The following PTPRD variants were observed in gnomAD, a reference collection of about 807,000 sequenced individuals.
PTPRD encodes receptor-type tyrosine-protein phosphatase delta.
In PTPRD, 34 loss-of-function variants were observed where a neutral mutation model predicts 214.5. The ratio of observed to expected loss-of-function variants is 0.16; its 90% CI spans 0.12 to 0.21. The LOEUF (loss-of-function observed/expected upper bound fraction) is 0.21. Ranked by LOEUF, PTPRD falls within the 10% of genes least tolerant of loss-of-function variation. The pLI is 1.00. For synonymous variants in PTPRD, 1,128 were observed against 845.7 expected, an observed-to-expected ratio of 1.33 and a Z score of -5.79; for missense variants, 2,545 against 2,398.7, an observed-to-expected ratio of 1.06 and a Z score of -1.27.
At chr9:9,949,268 A>C (rs1164453544) in intron 4 of PTPRD, among the ~76,000 whole-genome samples, 1 of 152,138 alleles carries the variant, frequency 6.6e-6, no homozygotes, top group African/African-American at 2.4e-5. Flanking sequence ...TAGAGATTTT[A>C]AAAATTGAGA....
intron 43 of PTPRD, among the ~76,000 whole-genome samples, chr9:8,335,440 C>T (rs1319702148): frequency 1.3e-5 from 2 of 152,098 alleles, no homozygotes; most frequent in African/African-American, 2.4e-5. Flanking sequence ...CAAAATTCAA[C>T]ACCACTTTGT....
At chr9:8,414,619 G>T (rs961357420) in intron 35 of PTPRD, among the ~76,000 whole-genome samples, 2 of 151,818 alleles carry the variant, frequency 1.3e-5, no homozygotes, top group Admixed American at 1.3e-4. Flanking sequence ...CTCTACAATA[G>T]GCTGAGTTTG....
At chr9:9,104,974 G>C (rs1425414529) in intron 10 of PTPRD, among the ~76,000 whole-genome samples, 1 of 152,156 alleles carries the variant, frequency 6.6e-6, no homozygotes, top group Admixed American at 6.6e-5. Flanking sequence ...AACACAGAAA[G>C]TAAAATGAAG....
chr9:10,363,761 T>G lies in PTPRD; in HGVS notation c.-599-22744A>C, dbSNP rs78780833. The stretch of plus-strand genomic sequence containing the variant: ...AAATAAACCAATAAAATGTGACCCC[T>G]TATGGGTTTTTTTGCAATGAAAAGG... On this transcript the variant is annotated intron_variant, in intron 2 of 45. Coordinates refer to ENST00000381196, the MANE Select transcript of PTPRD (RefSeq NM_002839.4). Among the ~76,000 whole-genome samples the G allele has an allele frequency of 7.8e-3, 1,182 of 151,998 alleles. 16 individuals are homozygous for G. The highest frequency in any genetic ancestry group is 0.027 in the African/African-American group (1,134 of 41,528).
At chr9:8,383,435 T>A (rs1394233990) in intron 37 of PTPRD, among the ~76,000 whole-genome samples, 1 of 152,180 alleles carries the variant, frequency 6.6e-6, no homozygotes, top group African/African-American at 2.4e-5. Flanking sequence ...CTAACCTGCA[T>A]TCATTAGCAC....
intron 8 of PTPRD, among the ~76,000 whole-genome samples, chr9:9,405,200 G>A (rs958731027): frequency 2.6e-5 from 4 of 151,990 alleles, no homozygotes; most frequent in African/African-American, 9.7e-5. Flanking sequence ...TCTCTGCTAT[G>A]CATTTTGGGA....
At chr9:9,520,803 G>A (rs1377797495) in intron 8 of PTPRD, among the ~76,000 whole-genome samples, 1 of 152,118 alleles carries the variant, frequency 6.6e-6, no homozygotes, top group Admixed American at 6.5e-5. Context: ...CATTAAAGCA[G>A]TCTACGAGTC....
intron 9 of PTPRD, among the ~76,000 whole-genome samples, chr9:9,376,121 T>G (rs2060727169): frequency 6.6e-6 from 1 of 152,150 alleles, no homozygotes; most frequent in African/African-American, 2.4e-5. Context: ...CATGATTCCT[T>G]TTGATTATGT....
intron 2 of PTPRD, among the ~76,000 whole-genome samples, chr9:10,347,612 T>C (rs1157077640): frequency 6.6e-6 from 1 of 151,958 alleles, no homozygotes; most frequent in African/African-American, 2.4e-5. Flanking sequence ...GGTTTCTCCA[T>C]GTTGGTCAGG....
At chr9:9,063,877 G>T (rs780975923) in intron 10 of PTPRD, among the ~76,000 whole-genome samples, 1 of 152,132 alleles carries the variant, frequency 6.6e-6, no homozygotes, top group Non-Finnish European at 1.5e-5. Context: ...CATAGCTTAC[G>T]TATGATAATG....
chr9:10,474,449 A>C (rs536110109), intron 2 of PTPRD, among the ~76,000 whole-genome samples: 1 of 152,250 alleles, frequency 6.6e-6, no homozygotes, highest in East Asian at 1.9e-4. Flanking sequence ...GCTATCCTAA[A>C]TATGTATGCA....
intron 5 of PTPRD, among the ~76,000 whole-genome samples, chr9:9,819,354 A>G (rs2049917116): frequency 6.6e-6 from 1 of 152,168 alleles, no homozygotes. Context: ...TGAAGCCCCA[A>G]ATGAACTTTG....
At chr9:9,155,970 T>G (rs1384206681) in intron 10 of PTPRD, among the ~76,000 whole-genome samples, 2 of 152,118 alleles carry the variant, frequency 1.3e-5, no homozygotes, top group Non-Finnish European at 2.9e-5. Context: ...ACTACTCCCT[T>G]AGACCTTGTA....
At chr9:9,558,407 T>G (rs957698608) in intron 8 of PTPRD, among the ~76,000 whole-genome samples, 6 of 152,078 alleles carry the variant, frequency 3.9e-5, no homozygotes, top group Non-Finnish European at 8.8e-5. Flanking sequence ...TTCCTTACAC[T>G]CCACCCCTTT....
At chr9:9,211,964 C>G (rs181222765) in intron 9 of PTPRD, among the ~76,000 whole-genome samples, 20 of 152,178 alleles carry the variant, frequency 1.3e-4, no homozygotes, top group Admixed American at 1.2e-3. Flanking sequence ...TCTATGCTGT[C>G]TCCCCAAGTT....
rs752887858 is a variant in PTPRD at position 10,278,155 on chromosome 9, C to CAAA, written c.-545+62805_-545+62807dup. ...TGGGCGACAGAGCGAGACTCTGTCTCAAAAAACAAAACAAAACAAAAGGGT... is the reference window on the plus strand; with the variant it reads ...TGGGCGACAGAGCGAGACTCTGTCTCAAAAAAAAACAAAACAAAACAAAAGGGT... On this transcript the variant is annotated intron_variant, in intron 3 of 45. Coordinates refer to ENST00000381196, the MANE Select transcript of PTPRD (RefSeq NM_002839.4). Among the ~76,000 whole-genome samples the CAAA allele has an allele frequency of 3.9e-4, 57 of 144,704 alleles. 1 individual carries two copies. The highest frequency in any genetic ancestry group is 7.2e-4 in the Non-Finnish European group (47 of 65,192). 94.9% of individuals were successfully genotyped at this position (144,704 alleles called of 152,430 possible).
At chr9:9,119,618 G>T (rs2099815694) in intron 10 of PTPRD, among the ~76,000 whole-genome samples, 1 of 151,842 alleles carries the variant, frequency 6.6e-6, no homozygotes. Flanking sequence ...CAACCTCCCA[G>T]GTTCAAGCGA....
Position 10,511,569 on chromosome 9 carries a change from A to ATTTTTTTTT in PTPRD, c.-600+100820_-600+100828dup, listed in dbSNP as rs66768632. On this transcript the variant is annotated intron_variant, in intron 2 of 45. Transcript: ENST00000381196. The stretch of plus-strand genomic sequence containing the variant: ...CAGGTGTGCGCCACCACACCCTGGT[A>ATTTTTTTTT]TTTTTTTTTTTTTTTTTTGTATTTT... Among the ~76,000 whole-genome samples the ATTTTTTTTT allele has an allele frequency of 5.0e-3, 640 of 127,814 alleles. 17 individuals carry two copies. Among genetic ancestry groups the ATTTTTTTTT allele is most frequent in the Non-Finnish European group, 7.9e-3 (493 of 62,196 alleles). The allele number at this position is 127,814 out of a possible 152,430, so 83.9% of individuals were successfully genotyped here.
intron 8 of PTPRD, among the ~76,000 whole-genome samples, chr9:9,561,566 C>T (rs2082959331): frequency 6.6e-6 from 1 of 151,960 alleles, no homozygotes; most frequent in Non-Finnish European, 1.5e-5. Flanking sequence ...AGCAAATGGA[C>T]AAGTATAAAA....
Sources: gnomAD v4.1 joint callset for allele counts (sites outside exome capture counted in the v4.1 genomes callset) on GRCh38, gnomAD v4.1.1 for gene constraint, MANE v1.5 for transcripts, NCBI Gene and HGNC (gene_info 2026-07-23, HGNC 2026-07-21) for gene names.